Variants in TBC1D22A observed in about 807,000 individuals in gnomAD.
TBC1D22A encodes TBC1 domain family member 22A.
A neutral mutation model predicts 60.2 loss-of-function variants in TBC1D22A; 38 were observed. The ratio of observed to expected loss-of-function variants is 0.63; its 90% CI spans 0.49 to 0.83. TBC1D22A has a LOEUF of 0.83. TBC1D22A is among the 40% of genes least tolerant of loss of function. The pLI, the probability that TBC1D22A is intolerant of heterozygous loss-of-function variation, is 0.00. For missense variants in TBC1D22A, 628 were observed against 701.0 expected (o/e 0.90, Z 1.18); for synonymous variants, 302 against 281.7 (o/e 1.07, Z -0.72).
intron 12 of TBC1D22A, among the ~76,000 whole-genome samples, chr22:47,133,462 G>A (rs957380219): frequency 2.0e-5 from 3 of 152,210 alleles, no homozygotes; most frequent in Non-Finnish European, 4.4e-5. Flanking sequence ...CCAGCCCCAG[G>A]TGAAAGGGCC....
At chr22:46,977,518 C>T in intron 9 of TBC1D22A, among the ~76,000 whole-genome samples, 1 of 151,994 alleles carries the variant, frequency 6.6e-6, no homozygotes. Context: ...CTCTTAGCCC[C>T]CAGTAAGATG....
intron 4 of TBC1D22A, among the ~76,000 whole-genome samples, chr22:46,813,292 C>T (rs947312268): frequency 2.6e-5 from 4 of 152,166 alleles, no homozygotes; most frequent in Admixed American, 1.3e-4. Context: ...AAATTCTGTC[C>T]CTATTACCTA....
At chr22:47,066,869 C>T (rs1400545427) in intron 11 of TBC1D22A, among the ~76,000 whole-genome samples, 1 of 152,170 alleles carries the variant, frequency 6.6e-6, no homozygotes, top group East Asian at 1.9e-4. Flanking sequence ...TAGGTCACTG[C>T]AAATCCTGTC....
intron 8 of TBC1D22A, among the ~76,000 whole-genome samples, chr22:46,947,330 A>C (rs796107266): frequency 5.9e-5 from 9 of 152,182 alleles, no homozygotes; most frequent in African/African-American, 2.2e-4. Context: ...GGTTGAAGTC[A>C]GGGTCATCCG....
intron 4 of TBC1D22A, among the ~76,000 whole-genome samples, chr22:46,828,046 C>T (rs2147136962): frequency 6.6e-6 from 1 of 152,290 alleles, no homozygotes; most frequent in African/African-American, 2.4e-5. Context: ...GACTTTCACG[C>T]CCCAGGGACT....
At chr22:47,032,690 G>C (rs113536261) in intron 10 of TBC1D22A, among the ~76,000 whole-genome samples, 1 of 152,346 alleles carries the variant, frequency 6.6e-6, no homozygotes, top group East Asian at 1.9e-4. Context: ...TCAGAGCAGC[G>C]GCCAGACAGG....
intron 10 of TBC1D22A, among the ~76,000 whole-genome samples, chr22:47,034,356 G>A (rs2062585349): frequency 6.6e-6 from 1 of 152,164 alleles, no homozygotes; most frequent in Admixed American, 6.5e-5. Context: ...CGTTCCCAGT[G>A]CAGAGATGTC....
intron 12 of TBC1D22A, among the ~76,000 whole-genome samples, chr22:47,132,218 C>T (rs749297893): frequency 1.3e-5 from 2 of 152,136 alleles, no homozygotes; most frequent in Non-Finnish European, 2.9e-5. Flanking sequence ...CCTGGATTCC[C>T]CCCGAGTCTT....
chr22:47,162,202 GT>G (rs57783061), intron 12 of TBC1D22A, among the ~76,000 whole-genome samples: 34,915 of 146,088 alleles, frequency 0.24, 6,083 homozygotes, highest in African/African-American at 0.51. Context: ...CATTTGAAAG[GT>G]TTTTTTTTTT....
intron 8 of TBC1D22A, among the ~76,000 whole-genome samples, chr22:46,938,661 C>T (rs1193030645): frequency 6.6e-6 from 1 of 150,546 alleles, no homozygotes; most frequent in African/African-American, 2.5e-5. Flanking sequence ...TCTCAGCTTA[C>T]TGCATCCTCC....
chr22:46,818,088 C>G (rs1049003637), intron 4 of TBC1D22A, among the ~76,000 whole-genome samples: 1 of 152,188 alleles, frequency 6.6e-6, no homozygotes, highest in Non-Finnish European at 1.5e-5. Flanking sequence ...CCTTCTCCCA[C>G]TTTTTGATGG....
chr22:46,858,970 T>A (rs930502385), intron 4 of TBC1D22A, among the ~76,000 whole-genome samples: 1 of 149,330 alleles, frequency 6.7e-6, no homozygotes, highest in African/African-American at 2.4e-5. Flanking sequence ...TCCTTTTCGA[T>A]AGAGGTCTGT....
chr22:47,119,106 A>G (rs1264255779), intron 12 of TBC1D22A, among the ~76,000 whole-genome samples: 4 of 152,236 alleles, frequency 2.6e-5, no homozygotes, highest in Non-Finnish European at 5.9e-5. Context: ...CCGAGACCAC[A>G]CCACTGCAGT....
intron 11 of TBC1D22A, among the ~76,000 whole-genome samples, chr22:47,048,434 G>A (rs941331658): frequency 2.0e-5 from 3 of 152,094 alleles, no homozygotes; most frequent in Admixed American, 1.3e-4. Flanking sequence ...TTGCCGAGAC[G>A]GTGCTCAGGA....
chr22:46,894,932 G>T, intron 7 of TBC1D22A, 86 bp downstream of exon 7: 2 of 1,486,092 alleles, frequency 1.3e-6, no homozygotes, highest in Middle Eastern at 1.8e-4. Flanking sequence ...GCAGCCGGAG[G>T]TGCTTCACCC....
intron 8 of TBC1D22A, chr22:46,913,867 A>C: frequency 1.5e-6 from 1 of 660,378 alleles, no homozygotes; most frequent in South Asian, 6.8e-5. Context: ...GACAGGATGA[A>C]GGGGCATGAC....
At chr22:46,931,622 T>C (rs2147892451) in intron 8 of TBC1D22A, among the ~76,000 whole-genome samples, 2 of 152,322 alleles carry the variant, frequency 1.3e-5, no homozygotes, top group Middle Eastern at 6.8e-3. Flanking sequence ...GTTCTTGTGG[T>C]TGGGAGGCGG....
In TBC1D22A at chr22:46,825,989, T is replaced by A. The variant is rs1171119772; in HGVS notation, c.637+28369T>A. Among the ~76,000 whole-genome samples the A allele has an allele frequency of 5.3e-5, 8 of 151,838 alleles. No individual in the cohort carries two copies. The East Asian group carries it at 1.6e-3, about 29-fold the overall frequency. On this transcript the variant is annotated intron_variant, in intron 4 of 12. Transcript: ENST00000337137. ...GCTCCATCTCCCGGGTTCACGCCATTCTCCTGCCTCAGCCTCCCGAGTAGC... is the reference window on the plus strand; with the variant it reads ...GCTCCATCTCCCGGGTTCACGCCATACTCCTGCCTCAGCCTCCCGAGTAGC...
Position 47,171,786 on chromosome 22 carries a change from C to T in TBC1D22A, c.1426-1712C>T, listed in dbSNP as rs1034301557. Among the ~76,000 whole-genome samples the T allele has an allele frequency of 1.8e-4, 27 of 152,310 alleles. 1 individual carries two copies. The highest frequency in any genetic ancestry group is 5.1e-4 in the African/African-American group (21 of 41,568). On this transcript the variant is annotated intron_variant, in intron 12 of 12. Transcript: ENST00000337137. ...CCGAGGACCTGTGCTTTTCCTTCCC[C>T]GTTGTGGCCTCAGTGGACGTAGGTC...
Sources: allele counts gnomAD v4.1 joint callset (sites outside exome capture counted in the v4.1 genomes callset), GRCh38; gene constraint gnomAD v4.1.1; transcripts MANE v1.5; gene names NCBI Gene and HGNC (gene_info 2026-07-23, HGNC 2026-07-21).